ADAM18: variants seen among roughly 807,000 people sequenced by gnomAD.
The protein encoded by ADAM18 is ADAM metallopeptidase domain 18, also known as disintegrin and metalloproteinase domain-containing protein 18.
ADAM18 carries 117 observed loss-of-function variants against 94.4 expected under a neutral mutation model. The ratio of observed to expected loss-of-function variants is 1.24; its 90% confidence interval spans 1.07 to 1.45. The LOEUF (loss-of-function observed/expected upper bound fraction) is 1.45. ADAM18 is among the 40% of genes most tolerant of loss of function. The pLI is 0.00. For synonymous variants in ADAM18, 327 were observed against 291.6 expected, an observed-to-expected ratio of 1.12 and a Z score of -1.24; for missense variants, 936 against 880.0, an observed-to-expected ratio of 1.06 and a Z score of -0.81.
intron 12 of ADAM18, among the ~76,000 whole-genome samples, chr8:39,659,392 CA>C (rs1820771181): frequency 1.3e-5 from 2 of 150,404 alleles, no homozygotes. Context: ...CAAGCAAATA[CA>C]CAAAAAAGCA....
intron 14 of ADAM18, among the ~76,000 whole-genome samples, chr8:39,676,051 T>C (rs1316621092): frequency 6.6e-6 from 1 of 152,162 alleles, no homozygotes; most frequent in Non-Finnish European, 1.5e-5. Flanking sequence ...CTATATGAAG[T>C]GTCTGTTGGC....
At chr8:39,699,765 A>C (rs1023583107) in intron 17 of ADAM18, among the ~76,000 whole-genome samples, 5 of 152,164 alleles carry the variant, frequency 3.3e-5, no homozygotes, top group African/African-American at 1.2e-4. Flanking sequence ...TTCAATGAGA[A>C]GGATCTTCAA....
At chr8:39,695,806 C>A (rs981487408) in intron 17 of ADAM18, among the ~76,000 whole-genome samples, 34 of 151,182 alleles carry the variant, frequency 2.2e-4, no homozygotes, top group African/African-American at 7.5e-4. Flanking sequence ...TATGTATATA[C>A]CACATTTTGT....
chr8:39,708,947 T>A (rs2129581391), intron 18 of ADAM18, among the ~76,000 whole-genome samples: 1 of 152,362 alleles, frequency 6.6e-6, no homozygotes, highest in South Asian at 2.1e-4. Context: ...CCAGAGGGCA[T>A]GTTACAGTGC....
intron 16 of ADAM18, among the ~76,000 whole-genome samples, chr8:39,680,888 A>G (rs955998297): frequency 6.6e-6 from 1 of 152,170 alleles, no homozygotes; most frequent in African/African-American, 2.4e-5. Flanking sequence ...GATGCGTAAA[A>G]ATAAAACAAA....
At position 39,638,548 on chromosome 8, in the gene ADAM18, T is replaced by C. The variant is rs1820152302; in HGVS notation, c.909+2T>C. The C allele has an allele frequency of 6.6e-7, 1 of 1,526,252 alleles. No individual in the cohort carries two copies. The highest frequency in any genetic ancestry group is 8.8e-7 in the Non-Finnish European group (1 of 1,131,932). 94.5% of individuals were successfully genotyped at this position (1,526,252 alleles called of 1,614,324 possible). On this transcript the variant is annotated splice_donor_variant, in intron 10 of 19. Coordinates refer to ENST00000265707, the MANE Select transcript of ADAM18 (RefSeq NM_014237.3). LOFTEE classifies it high-confidence loss of function. The stretch of plus-strand genomic sequence containing the variant: ...AGCTATGATGCAGGTATTGCTATGG[T>C]ATGTAATTTTTATTCTTCTTTACAT...
At chr8:39,620,168 A>G (rs1204809786) in intron 6 of ADAM18, among the ~76,000 whole-genome samples, 5 of 152,058 alleles carry the variant, frequency 3.3e-5, no homozygotes, top group Admixed American at 2.6e-4. Context: ...CTGAATATTC[A>G]CACACAAAAG....
intron 2 of ADAM18, among the ~76,000 whole-genome samples, chr8:39,591,474 C>T (rs1818568549): frequency 6.6e-6 from 1 of 152,064 alleles, no homozygotes. Context: ...GAGTAGATTC[C>T]ATCTCAGGAA....
chr8:39,596,345 C>G (rs1818740930), intron 2 of ADAM18, among the ~76,000 whole-genome samples: 2 of 152,172 alleles, frequency 1.3e-5, no homozygotes, highest in Non-Finnish European at 2.9e-5. Flanking sequence ...TCCCTCCCCA[C>G]CAACCAAATC....
chr8:39,704,248 CA>C (rs991326874), intron 17 of ADAM18, among the ~76,000 whole-genome samples: 46 of 152,188 alleles, frequency 3.0e-4, no homozygotes, highest in African/African-American at 1.1e-3. Context: ...GGCAGACACA[CA>C]ACAAAAAATT....
intron 13 of ADAM18, 96 bp downstream of exon 13, chr8:39,663,986 G>A (rs1820923763): frequency 8.9e-6 from 7 of 786,234 alleles, no homozygotes; most frequent in East Asian, 8.5e-5. Flanking sequence ...GAATATATAA[G>A]GAATTTAGTG....
chr8:39,699,805 A>G (rs868489857), intron 17 of ADAM18, among the ~76,000 whole-genome samples: 13 of 152,116 alleles, frequency 8.5e-5, no homozygotes, highest in African/African-American at 3.1e-4. Context: ...GAATGTGATA[A>G]TGGGACCCTA....
intron 16 of ADAM18, among the ~76,000 whole-genome samples, chr8:39,690,396 G>A (rs954906648): frequency 6.6e-6 from 1 of 152,188 alleles, no homozygotes; most frequent in Non-Finnish European, 1.5e-5. Context: ...ATGGGCAGGG[G>A]GCACTTCAGC....
chr8:39,705,223 C>T (rs113299684), intron 17 of ADAM18, among the ~76,000 whole-genome samples: 12 of 151,970 alleles, frequency 7.9e-5, no homozygotes, highest in Admixed American at 7.9e-4. Context: ...AGAATTATTG[C>T]CAGGTTTGTG....
intron 2 of ADAM18, among the ~76,000 whole-genome samples, chr8:39,586,986 C>A (rs1227623208): frequency 6.6e-6 from 1 of 152,026 alleles, no homozygotes; most frequent in African/African-American, 2.4e-5. Context: ...GTTGTCTACA[C>A]TTTTGGTATT....
At chr8:39,594,111 G>A (rs1306224879) in intron 2 of ADAM18, among the ~76,000 whole-genome samples, 2 of 151,978 alleles carry the variant, frequency 1.3e-5, no homozygotes, top group African/African-American at 4.8e-5. Flanking sequence ...TTGCTGTGGG[G>A]TTGGTTCAAG....
At chr8:39,636,029 G>T (rs1446360679) in intron 7 of ADAM18, among the ~76,000 whole-genome samples, 1 of 143,878 alleles carries the variant, frequency 7.0e-6, no homozygotes, top group Non-Finnish European at 1.5e-5. Context: ...TTTTGAGAGA[G>T]AGAGAGAGAG....
intron 13 of ADAM18, among the ~76,000 whole-genome samples, chr8:39,665,608 A>T (rs933579539): frequency 3.9e-5 from 6 of 152,226 alleles, no homozygotes; most frequent in African/African-American, 1.4e-4. Flanking sequence ...TAAACACTAA[A>T]ACTATAAAAT....
intron 10 of ADAM18, among the ~76,000 whole-genome samples, chr8:39,642,934 C>T (rs917682855): frequency 6.6e-6 from 1 of 152,154 alleles, no homozygotes; most frequent in East Asian, 1.9e-4. Flanking sequence ...TGTTTTTCCA[C>T]TTGTTTTTAT....
Sources: gnomAD v4.1 joint callset for allele counts (sites outside exome capture counted in the v4.1 genomes callset) on GRCh38, gnomAD v4.1.1 for gene constraint, MANE v1.5 for transcripts, NCBI Gene and HGNC (gene_info 2026-07-23, HGNC 2026-07-21) for gene names.